Variants in SUSD4 observed in about 807,000 individuals in gnomAD.
The protein encoded by SUSD4 is sushi domain containing 4, also known as sushi domain-containing protein 4.
A neutral mutation model predicts 50.5 loss-of-function variants in SUSD4; 41 were observed. The observed-to-expected ratio is 0.81, with a 90% CI of 0.63 to 1.05. The LOEUF (loss-of-function observed/expected upper bound fraction) is 1.05, where lower values mean the gene tolerates loss of function less well. Ranked by LOEUF, SUSD4 falls within the 50% of genes least tolerant of loss-of-function variation. SUSD4 has a pLI of 0.00. For synonymous variants in SUSD4, 257 were observed against 257.3 expected (o/e 1.00, Z 0.01); for missense variants, 580 against 634.7 (o/e 0.91, Z 0.93).
chr1:223,343,514 CTAAAAGATTTATTTT>C (rs980083377), intron 2 of SUSD4, among the ~76,000 whole-genome samples: 23 of 152,024 alleles, frequency 1.5e-4, no homozygotes, highest in African/African-American at 5.5e-4. Context: ...CAATGATGCT[CTAAAAGATTTATTTT>C]TAAAAGATTA....
chr1:223,301,373 G>T (rs1027955952), intron 2 of SUSD4, among the ~76,000 whole-genome samples: 5 of 152,178 alleles, frequency 3.3e-5, no homozygotes, highest in Non-Finnish European at 7.3e-5. Context: ...ATTGACCACC[G>T]CATGGTCTGT....
intron 2 of SUSD4, among the ~76,000 whole-genome samples, chr1:223,295,526 G>A (rs1006894826): frequency 8.5e-5 from 13 of 152,148 alleles, no homozygotes; most frequent in Admixed American, 8.5e-4. Flanking sequence ...GCAAAGCCTT[G>A]AGTGGGATCC....
intron 2 of SUSD4, among the ~76,000 whole-genome samples, chr1:223,353,148 C>A (rs896586592): frequency 1.3e-5 from 2 of 152,128 alleles, no homozygotes; most frequent in African/African-American, 4.8e-5. Flanking sequence ...CTGAACATGC[C>A]AGCAGCAGGC....
At chr1:223,340,125 T>C (rs980606413) in intron 2 of SUSD4, among the ~76,000 whole-genome samples, 1 of 152,168 alleles carries the variant, frequency 6.6e-6, no homozygotes, top group Non-Finnish European at 1.5e-5. Flanking sequence ...TGCAGGAGCA[T>C]TGTGGCTGGT....
At chr1:223,320,800 C>T (rs1666528501) in intron 2 of SUSD4, among the ~76,000 whole-genome samples, 1 of 152,206 alleles carries the variant, frequency 6.6e-6, no homozygotes, top group African/African-American at 2.4e-5. Context: ...GCCTCATCTC[C>T]ACAAGCCCCA....
intron 3 of SUSD4, among the ~76,000 whole-genome samples, 174 bp downstream of exon 3, chr1:223,292,265 T>C (rs187300700): frequency 1.6e-4 from 24 of 152,338 alleles, no homozygotes; most frequent in East Asian, 1.4e-3. Flanking sequence ...CAGAGATTAA[T>C]TAACCCTCTA....
At chr1:223,350,338 C>A (rs565521513) in intron 2 of SUSD4, among the ~76,000 whole-genome samples, 3 of 152,284 alleles carry the variant, frequency 2.0e-5, no homozygotes, top group Admixed American at 2.0e-4. Context: ...TATTGTTGAA[C>A]AAATGTAAGA....
intron 2 of SUSD4, among the ~76,000 whole-genome samples, chr1:223,333,127 T>C (rs963987080): frequency 6.6e-6 from 1 of 152,178 alleles, no homozygotes; most frequent in African/African-American, 2.4e-5. Context: ...AGGCACTGAC[T>C]GTAACCTCCC....
chr1:223,226,957 G>A (rs1488827103), intron 7 of SUSD4, among the ~76,000 whole-genome samples: 4 of 152,114 alleles, frequency 2.6e-5, no homozygotes, highest in African/African-American at 9.7e-5. Flanking sequence ...AAGGGTGCTG[G>A]TGCAGTCCTC....
chr1:223,341,973 C>T (rs773531534), intron 2 of SUSD4, among the ~76,000 whole-genome samples: 15 of 152,116 alleles, frequency 9.9e-5, no homozygotes, highest in African/African-American at 1.4e-4. Context: ...TGGCTGGTCA[C>T]GTCGAGTGTA....
intron 2 of SUSD4, among the ~76,000 whole-genome samples, chr1:223,349,174 GA>G (rs569857824): frequency 7.2e-5 from 11 of 152,142 alleles, no homozygotes; most frequent in Admixed American, 5.9e-4. Context: ...TTAAATATCA[GA>G]GAAAGAAAAA....
chr1:223,281,573 C>A (rs537524697), intron 3 of SUSD4, among the ~76,000 whole-genome samples: 11 of 152,278 alleles, frequency 7.2e-5, no homozygotes, highest in African/African-American at 2.2e-4. Flanking sequence ...CAATAACAGG[C>A]TCTGAAATTG....
intron 3 of SUSD4, among the ~76,000 whole-genome samples, chr1:223,280,025 C>G (rs1388337027): frequency 6.6e-6 from 1 of 152,132 alleles, no homozygotes; most frequent in East Asian, 1.9e-4. Flanking sequence ...CCTTTACAGA[C>G]AAGCAAATGC....
intron 2 of SUSD4, among the ~76,000 whole-genome samples, chr1:223,345,695 T>C (rs1667993949): frequency 6.6e-6 from 1 of 152,218 alleles, no homozygotes; most frequent in Non-Finnish European, 1.5e-5. Flanking sequence ...CACCTGCATG[T>C]CAAAATTTAA....
At chr1:223,264,202 C>T (rs1345003671) in intron 5 of SUSD4, 1 of 985,262 alleles carries the variant, frequency 1.0e-6, no homozygotes, top group Admixed American at 6.2e-5. Context: ...CAAGGGTGTG[C>T]TTGCAGCAAA....
chr1:223,238,644 T>C (rs1223799014), intron 5 of SUSD4, among the ~76,000 whole-genome samples: 1 of 152,006 alleles, frequency 6.6e-6, no homozygotes, highest in Non-Finnish European at 1.5e-5. Context: ...GAGATTTTCC[T>C]ATTATCTTTC....
At chr1:223,345,962 C>T (rs551240634) in intron 2 of SUSD4, among the ~76,000 whole-genome samples, 56 of 152,282 alleles carry the variant, frequency 3.7e-4, no homozygotes, top group African/African-American at 1.3e-3. Flanking sequence ...TACTAGCTTC[C>T]ATGTCTCCCT....
chr1:223,233,973 C>T (rs778275355), intron 5 of SUSD4, among the ~76,000 whole-genome samples: 6 of 152,166 alleles, frequency 3.9e-5, no homozygotes, highest in Non-Finnish European at 8.8e-5. Context: ...TTCCTGTCCC[C>T]GAGGTGTGAA....
intron 2 of SUSD4, among the ~76,000 whole-genome samples, chr1:223,344,556 G>A (rs144785396): frequency 1.1e-4 from 17 of 152,168 alleles, no homozygotes; most frequent in Non-Finnish European, 1.8e-4. Context: ...GCTCACCCCC[G>A]AGAAAAGCTT....
Sources: allele counts gnomAD v4.1 joint callset (sites outside exome capture counted in the v4.1 genomes callset), GRCh38; gene constraint gnomAD v4.1.1; transcripts MANE v1.5; gene names NCBI Gene and HGNC (gene_info 2026-07-23, HGNC 2026-07-21).